The following CUL7 variants were observed in gnomAD, a reference collection of about 807,000 sequenced individuals.
CUL7 encodes cullin-7.
CUL7 carries 96 observed loss-of-function variants against 177.7 expected under a neutral mutation model. The observed-to-expected ratio is 0.54, with a 90% CI of 0.46 to 0.64. The LOEUF (loss-of-function observed/expected upper bound fraction) is 0.64, where lower values mean the gene tolerates loss of function less well. Among genes scored for constraint, CUL7 ranks in the 30% least tolerant of loss-of-function variants. The probability of loss-of-function intolerance (pLI) is 0.00; values close to 1 mark genes in which losing one functional copy is unlikely to be tolerated. For missense variants in CUL7, 1,893 were observed against 2,187.9 expected, an observed-to-expected ratio of 0.87 and a Z score of 2.69; for synonymous variants, 824 against 890.2, an observed-to-expected ratio of 0.93 and a Z score of 1.32.
intron 9 of CUL7, among the ~76,000 whole-genome samples, chr6:43,047,415 C>T (rs1434801866): frequency 6.6e-6 from 1 of 152,156 alleles, no homozygotes; most frequent in Admixed American, 6.5e-5. Context: ...GCCCTACTGT[C>T]CCAAAAACCA....
Position 43,051,057 on chromosome 6 carries a change from G to C in CUL7, c.1144C>G (p.Arg382Gly). 1.2e-6 allele frequency: 2 copies of C among 1,614,114 alleles called. No individual in the cohort carries two copies. The highest frequency in any genetic ancestry group is 1.7e-6 in the Non-Finnish European group (2 of 1,180,032). The change falls in exon 4 of 26, where the codon CGA (arginine) becomes GGA (glycine). Residue 382 changes from arginine to glycine, a missense_variant. Arg to Gly is a moderately radical substitution (Grantham distance 125, BLOSUM62 -2). Around this residue, in one of 5 missense-constraint regions of CUL7, gnomAD observed 653 missense variants for 725.2 expected, o/e 0.90. Transcript: ENST00000265348. The surrounding 1 kb of genome is among the most constrained non-coding windows in gnomAD (Gnocchi z 5.0). ...YVRDTLQPGMRVRMLDDYEEI... is the reference protein window; with the variant it reads ...YVRDTLQPGMGVRMLDDYEEI... ...TCATAATCATCCAGCATCCGCACTC[G>C]CATCCCCGGCTGCAGTGTGTCCCGC... is the stretch of plus-strand genomic sequence containing the variant.
intron 22 of CUL7, among the ~76,000 whole-genome samples, chr6:43,039,735 CTTTTTTTTTTT>C (rs763879172): frequency 2.1e-5 from 2 of 94,908 alleles, no homozygotes; most frequent in African/African-American, 4.4e-5. Context: ...AAGACCAACT[CTTTTTTTTTTT>C]TTTTTTTTTT....
Position 43,047,076 on chromosome 6 carries a change from C to G in CUL7, c.2201G>C (p.Arg734Pro). The G allele has an allele frequency of 1.9e-6, 3 of 1,612,346 alleles. No individual in the cohort carries two copies. The highest frequency in any genetic ancestry group is 2.5e-6 in the Non-Finnish European group (3 of 1,178,440). Residue 734 changes from arginine to proline, a missense_variant, in exon 10 of 26, where the codon CGC (arginine) becomes CCC (proline). Transcript: ENST00000265348. ...VLQELIFFLH[R>P]LTSVSRDYAV... is the part of the protein sequence containing the mutation. ...ATAGTCCCTGCTCACTGAGGTCAGG[C>G]GGTGCAGGAAGAAAATCAGTTCCTG...
Position 43,040,015 on chromosome 6 carries a change from C to T in CUL7, c.4294+141G>A. ...TCGGCCTCCCAAAGTGCTGGGATTA[C>T]AGGCGTGAGCACTGTGCCCAGCCAA... On this transcript the variant is annotated intron_variant, in intron 22 of 25. Coordinates refer to ENST00000265348, the MANE Select transcript of CUL7 (RefSeq NM_014780.5). The surrounding 1 kb of genome is among the most constrained non-coding windows in gnomAD (Gnocchi z 4.2). 2 of 1,026,284 alleles carry T rather than the reference C, an allele frequency of 1.9e-6. No homozygotes were observed. The highest frequency in any genetic ancestry group is 3.0e-6 in the Non-Finnish European group (2 of 657,774). 63.6% of individuals were successfully genotyped at this position (1,026,284 alleles called of 1,614,324 possible).
At position 43,053,630 on chromosome 6, in the gene CUL7, T is replaced by C. The variant is rs1258894120; in HGVS notation, c.-17A>G. ...GGTGGGGCTCTGGCCACCTCAGAAGTCCACCGGGGTCCTGGCGCGAGGCCT... is the reference window on the plus strand; with the variant it reads ...GGTGGGGCTCTGGCCACCTCAGAAGCCCACCGGGGTCCTGGCGCGAGGCCT... On this transcript the variant is annotated 5_prime_UTR_variant, in exon 1 of 26. Transcript: ENST00000265348. The surrounding 1 kb of genome is among the most constrained non-coding windows in gnomAD (Gnocchi z 4.1). 1 of 1,373,642 alleles carries C rather than the reference T, an allele frequency of 7.3e-7. No homozygotes were observed. Among genetic ancestry groups the C allele is most frequent in the Admixed American group, 3.4e-5 (1 of 29,658 alleles). The allele number at this position is 1,373,642 out of a possible 1,614,324, so 85.1% of individuals were successfully genotyped here. A position where few individuals can be genotyped will look rare whatever the true frequency, so the allele number is the denominator to read the frequency against.
At position 43,046,283 on chromosome 6, in the gene CUL7, G is replaced by T. The variant is rs374833109; in HGVS notation, c.2613C>A (p.Ala871=). 1.9e-6 allele frequency: 3 copies of T among 1,614,092 alleles called. No homozygotes were observed. Among genetic ancestry groups the T allele is most frequent in the Non-Finnish European group, 2.5e-6 (3 of 1,180,046 alleles). The change falls in exon 12 of 26, where the codon GCC becomes GCA. Residue 871 remains alanine, a synonymous_variant. Coordinates refer to ENST00000265348, the MANE Select transcript of CUL7 (RefSeq NM_014780.5). ...TGTGCAGGGTGATGTAGTGGGAGCC[G>T]GCGCTGCCGTTGGACTCCCAATAGG... ...PKTYWESNGS[A]GSHYITLHMR...
At chr6:43,039,145 AGCCTTCTCTGGGC>A (rs1763200075) in intron 22 of CUL7, among the ~76,000 whole-genome samples, 158 bp from the exon 23 acceptor site, 1 of 152,218 alleles carries the variant, frequency 6.6e-6, no homozygotes, top group African/African-American at 2.4e-5. Context: ...TCCAGATCTC[AGCCTTCTCTGGGC>A]CTGCCTCTAT....
chr6:43,053,813 G>A lies in CUL7; in HGVS notation c.-200C>T. The A allele has an allele frequency of 6.5e-7, 1 of 1,532,886 alleles. No individual in the cohort carries two copies. Among genetic ancestry groups the A allele is most frequent in the Non-Finnish European group, 8.7e-7 (1 of 1,146,276 alleles). 95.0% of individuals were successfully genotyped at this position (1,532,886 alleles called of 1,614,324 possible). Reference sequence around the variant, plus strand: ...TCGGCAGCCACTGGGGCAGGGTGGGGCCCGGTCCCTGCCAGCGGCTCCGCC... The same window carrying A: ...TCGGCAGCCACTGGGGCAGGGTGGGACCCGGTCCCTGCCAGCGGCTCCGCC... On this transcript the variant is annotated 5_prime_UTR_variant, in exon 1 of 26. Coordinates refer to ENST00000265348, the MANE Select transcript of CUL7 (RefSeq NM_014780.5). This position sits in a 1 kb window ranked among gnomAD's most constrained non-coding sequence, Gnocchi z 4.1.
intron 23 of CUL7, 73 bp from the exon 24 acceptor site, chr6:43,038,765 G>C (rs1581902051): frequency 6.2e-7 from 1 of 1,612,806 alleles, no homozygotes; most frequent in East Asian, 2.2e-5. Flanking sequence ...GGAAGAAGCA[G>C]AGGGAGTCAA....
At position 43,040,524 on chromosome 6, in the gene CUL7, A is replaced by G. The variant is rs1157521629; in HGVS notation, c.4023+6T>C. The G allele has an allele frequency of 6.2e-7, 1 of 1,613,702 alleles. No individual in the cohort carries two copies. The highest frequency in any genetic ancestry group is 2.2e-5 in the East Asian group (1 of 44,882). ...CTTATTTGCTTATCCCTTCCAAGGCACTCACCTGTATTTTCTTCTCTGTAT... is the reference window on the plus strand; with the variant it reads ...CTTATTTGCTTATCCCTTCCAAGGCGCTCACCTGTATTTTCTTCTCTGTAT... On this transcript the variant is annotated splice_donor_region_variant and intron_variant, in intron 21 of 25. Transcript: ENST00000265348. This position sits in a 1 kb window ranked among gnomAD's most constrained non-coding sequence, Gnocchi z 4.2.
rs747532512 is a variant in CUL7, at chr6:43,051,150, A to C, written c.1051T>G (p.Phe351Val). ...GGGCGAAAACGTCTTGACCTCCTGAAGGAGGGCTGAGCCTGGGCAGCGGGG... is the reference window on the plus strand; with the variant it reads ...GGGCGAAAACGTCTTGACCTCCTGACGGAGGGCTGAGCCTGGGCAGCGGGG... ...GLPAAQAQPS[F>V]RRSRRFRPRS... The change falls in exon 4 of 26, where the codon TTC becomes GTC. Residue 351 changes from phenylalanine (F) to valine (V), a missense_variant. Around this residue, in one of 5 missense-constraint regions of CUL7, gnomAD observed 653 missense variants for 725.2 expected, o/e 0.90. Transcript: ENST00000265348. This position sits in a 1 kb window ranked among gnomAD's most constrained non-coding sequence, Gnocchi z 5.0. 4 of 1,614,218 alleles carry C rather than the reference A, an allele frequency of 2.5e-6. No homozygotes were observed. The Admixed American group carries it at 6.7e-5, about 27-fold the overall frequency.
In CUL7 at chr6:43,051,433, C is replaced by T. The variant is rs1380835823; in HGVS notation, c.768G>A (p.Arg256=). The T allele has an allele frequency of 6.2e-7, 1 of 1,613,942 alleles. No homozygotes were observed. The highest frequency in any genetic ancestry group is 1.7e-5 in the Admixed American group (1 of 60,000). Residue 256 remains arginine, a synonymous_variant, in exon 4 of 26, where the codon CGG becomes CGA. Transcript: ENST00000265348. The surrounding 1 kb of genome is among the most constrained non-coding windows in gnomAD (Gnocchi z 5.0). ...PGRVLFSLVK[R]YLHVTSLLDQ... is the part of the protein sequence containing the mutation. ...CCAGGAGCGAGGTGACATGCAAATA[C>T]CGCTTCACCAGGGAGAAGAGCACCC... is the stretch of plus-strand genomic sequence containing the variant.
chr6:43,052,097 A>G lies in CUL7; in HGVS notation c.580+112T>C, dbSNP rs1764460321. 9.7e-6 allele frequency: 15 copies of G among 1,539,756 alleles called. No homozygotes were observed. Among genetic ancestry groups the G allele is most frequent in the Non-Finnish European group, 1.3e-5 (15 of 1,140,708 alleles). ...CTTCCAACTCTAAGAGAAGGGCAAC[A>G]GAATCATTTACGTACTGATGAGATC... is the stretch of plus-strand genomic sequence containing the variant. On this transcript the variant is annotated intron_variant, in intron 2 of 25. Transcript: ENST00000265348. This position sits in a 1 kb window ranked among gnomAD's most constrained non-coding sequence, Gnocchi z 4.5.
In CUL7 at chr6:43,045,219, T is replaced by A. The variant is rs777844036; in HGVS notation, c.3038+8A>T. On this transcript the variant is annotated splice_region_variant and intron_variant, in intron 15 of 25. Transcript: ENST00000265348. The surrounding 1 kb of genome is among the most constrained non-coding windows in gnomAD (Gnocchi z 4.8). ...CAGACACAAGCATACACGCACACTC[T>A]CACACACCTAGAACTCAGGTGCAGG... 13 of 1,613,280 alleles carry A rather than the reference T, an allele frequency of 8.1e-6. No homozygotes were observed. In the South Asian group the frequency reaches 1.2e-4, roughly 15 times the overall value.
At position 43,040,361 on chromosome 6, in the gene CUL7, T is replaced by G. The variant is rs746083212; in HGVS notation, c.4089A>C (p.Ala1363=). The G allele has an allele frequency of 1.2e-6, 2 of 1,613,748 alleles. No individual in the cohort carries two copies. The highest frequency in any genetic ancestry group is 1.7e-5 in the Admixed American group (1 of 60,016). The change falls in exon 22 of 26, where the codon GCA becomes GCC. Residue 1363 remains alanine, a synonymous_variant. Transcript: ENST00000265348. The surrounding 1 kb of genome is among the most constrained non-coding windows in gnomAD (Gnocchi z 4.2). The part of the protein sequence containing the change: ...SEKEEEAGAA[A]VVDVAEGEEE... Reference sequence around the variant, plus strand: ...CCTCTCCCTCCGCCACATCCACCACTGCTGCTGCCCCAGCTTCCTCTTCCT... The same window carrying G: ...CCTCTCCCTCCGCCACATCCACCACGGCTGCTGCCCCAGCTTCCTCTTCCT...
At position 43,046,036 on chromosome 6, in the gene CUL7, C is replaced by T. The variant is rs1207409568; in HGVS notation, c.2716G>A (p.Val906Met). Residue 906 changes from valine (V) to methionine (M), a missense_variant, in exon 13 of 26, where the codon GTG becomes ATG. This residue lies in a region of CUL7 where 973 missense variants were observed against 1,140.9 expected (regional missense o/e 0.85). Coordinates refer to ENST00000265348, the MANE Select transcript of CUL7 (RefSeq NM_014780.5). ...EDSSYMPARVVVCGGDSTSSL... is the reference protein window; with the variant it reads ...EDSSYMPARVMVCGGDSTSSL... ...CTAGTGCTATCACCCCCGCACACCA[C>T]CACTCGGGCCGGCATGTAACTCGAG... The T allele has an allele frequency of 6.2e-7, 1 of 1,614,184 alleles. No homozygotes were observed. The highest frequency in any genetic ancestry group is 1.7e-5 in the Admixed American group (1 of 60,032).
Position 43,045,488 on chromosome 6 carries a change from GC to G in CUL7, c.2863-87del, listed in dbSNP as rs1763826102. ...TACGCCCTCGAACCTCACCCCTGGA[GC>G]TGCTCGAGACCCAGGCTGGTCCTCT... is the stretch of plus-strand genomic sequence containing the variant. On this transcript the variant is annotated intron_variant, in intron 14 of 25. Coordinates refer to ENST00000265348, the MANE Select transcript of CUL7 (RefSeq NM_014780.5). The surrounding 1 kb of genome is among the most constrained non-coding windows in gnomAD (Gnocchi z 4.8). The G allele has an allele frequency of 4.3e-6, 7 of 1,612,912 alleles. No homozygotes were observed. The highest frequency in any genetic ancestry group is 1.7e-5 in the Admixed American group (1 of 60,028).
In CUL7 at chr6:43,043,545, G is replaced by C; in HGVS notation, c.3258C>G (p.Gly1086=). The C allele has an allele frequency of 6.2e-7, 1 of 1,614,032 alleles. No individual in the cohort carries two copies. Among genetic ancestry groups the C allele is most frequent in the Non-Finnish European group, 8.5e-7 (1 of 1,179,958 alleles). ...GGCGCACCCGCGAGAAGAAAGCTGG[G>C]CCGCGGCTCTGGGGGTTGAAGACAG... ...QEAVFNPQSR[G]PAFFSRVRRL... The change falls in exon 17 of 26, where the codon GGC becomes GGG. Residue 1086 remains glycine (G), a synonymous_variant. Transcript: ENST00000265348. The surrounding 1 kb of genome is among the most constrained non-coding windows in gnomAD (Gnocchi z 4.2).
Position 43,045,786 on chromosome 6 carries a change from G to T in CUL7, c.2767-104C>A. On this transcript the variant is annotated intron_variant, in intron 13 of 25. Transcript: ENST00000265348. This position sits in a 1 kb window ranked among gnomAD's most constrained non-coding sequence, Gnocchi z 4.8. ...TCCCTCCCTTCCCCAGCCCTGGGAT[G>T]TGTAGGGTCCTGACAAAGCTGTCCT... The T allele has an allele frequency of 1.5e-6, 2 of 1,351,828 alleles. No homozygotes were observed. Among genetic ancestry groups the T allele is most frequent in the Non-Finnish European group, 2.1e-6 (2 of 952,984 alleles). 83.7% of individuals were successfully genotyped at this position (1,351,828 alleles called of 1,614,324 possible). A position where few individuals can be genotyped will look rare whatever the true frequency, so the allele number is the denominator to read the frequency against.
Sources: allele counts gnomAD v4.1 joint callset (sites outside exome capture counted in the v4.1 genomes callset), GRCh38; gene constraint gnomAD v4.1.1; regional missense constraint gnomAD v4.1.1; non-coding constraint Gnocchi (gnomAD v3.1); transcripts MANE v1.5; gene names NCBI Gene and HGNC (gene_info 2026-07-23, HGNC 2026-07-21).